The following LIMCH1 variants were observed in gnomAD, a reference collection of about 807,000 sequenced individuals.
The protein encoded by LIMCH1 is LIM and calponin homology domains 1, also known as LIM and calponin homology domains-containing protein 1.
LIMCH1 carries 113 observed loss-of-function variants against 176.5 expected under a neutral mutation model. The ratio of observed to expected loss-of-function variants is 0.64; its 90% CI spans 0.55 to 0.75. The LOEUF is 0.75. Among genes scored for constraint, LIMCH1 ranks in the 30% least tolerant of loss-of-function variants. The pLI, the probability that LIMCH1 is intolerant of heterozygous loss-of-function variation, is 0.00. For synonymous variants in LIMCH1, 619 were observed against 645.9 expected, an observed-to-expected ratio of 0.96 and a Z score of 0.63; for missense variants, 1,674 against 1,814.9, an observed-to-expected ratio of 0.92 and a Z score of 1.41.
intron 1 of LIMCH1, among the ~76,000 whole-genome samples, chr4:41,435,876 T>TA (rs1048834240): frequency 1.3e-5 from 2 of 152,194 alleles, no homozygotes; most frequent in Non-Finnish European, 2.9e-5. Flanking sequence ...TGAAGTCCTA[T>TA]ATTGTAGCAA....
At chr4:41,661,888 T>C (rs1384461429) in intron 19 of LIMCH1, 1 of 395,656 alleles carries the variant, frequency 2.5e-6, no homozygotes, top group Non-Finnish European at 4.8e-6. Flanking sequence ...GACGCTGAAA[T>C]GGTAAAGCTC....
At chr4:41,491,995 C>T (rs563049081) in intron 1 of LIMCH1, among the ~76,000 whole-genome samples, 43 of 152,186 alleles carry the variant, frequency 2.8e-4, no homozygotes, top group African/African-American at 6.5e-4. Context: ...ACTTCCTAGA[C>T]GGGGTGGCGG....
At chr4:41,420,667 G>A (rs1288781788) in intron 1 of LIMCH1, among the ~76,000 whole-genome samples, 5 of 152,190 alleles carry the variant, frequency 3.3e-5, no homozygotes, top group Admixed American at 2.0e-4. Flanking sequence ...TCTGAAGGCA[G>A]GGCCAACGTG....
At chr4:41,616,667 T>C (rs2092117525) in intron 5 of LIMCH1, among the ~76,000 whole-genome samples, 1 of 152,164 alleles carries the variant, frequency 6.6e-6, no homozygotes. Context: ...GTCAAAACTT[T>C]TGAGGTGTCA....
In LIMCH1 at chr4:41,676,185, G is replaced by A. The variant is rs535176215; in HGVS notation, c.3439-197G>A. 5.3e-5 allele frequency among the ~76,000 whole-genome samples: 8 copies of A among 152,272 alleles called. No individual in the cohort carries two copies. The East Asian group carries it at 5.8e-4, about 11-fold the overall frequency. On this transcript the variant is annotated intron_variant, in intron 22 of 31. Coordinates refer to ENST00000503057, the MANE Select transcript of LIMCH1 (RefSeq NM_001330672.2). ...AAAAGATTCACAGAATCATACCAGC[G>A]TCTTGGAAGTAAACCAAAGAGGGAC...
chr4:41,555,234 C>T (rs144006012), intron 1 of LIMCH1, among the ~76,000 whole-genome samples: 10 of 152,276 alleles, frequency 6.6e-5, no homozygotes, highest in African/African-American at 2.2e-4. Context: ...CAAGCGTGTC[C>T]TACTGTTTTC....
intron 1 of LIMCH1, among the ~76,000 whole-genome samples, chr4:41,555,428 C>A (rs2081103841): frequency 6.6e-6 from 1 of 152,158 alleles, no homozygotes; most frequent in East Asian, 1.9e-4. Context: ...ACTTGGTTAG[C>A]AGTGTACTGG....
rs1732107837 is a variant in LIMCH1 at position 41,699,089 on chromosome 4, T to C, written c.*1904T>C. 1 of 152,250 alleles carries C rather than the reference T, an allele frequency of 6.6e-6. No individual in the cohort carries two copies. Among genetic ancestry groups the C allele is most frequent in the South Asian group, 2.1e-4 (1 of 4,828 alleles). 9.4% of individuals were successfully genotyped at this position (152,250 alleles called of 1,614,324 possible). A position where few individuals can be genotyped will look rare whatever the true frequency, so the allele number is the denominator to read the frequency against. ...CACCTGCATGTTTTATTAAATATTT[T>C]GATAATGTGGATGTTTACACTTTGC... On this transcript the variant is annotated 3_prime_UTR_variant, in exon 32 of 32. Transcript: ENST00000503057.
intron 17 of LIMCH1, 97 bp downstream of exon 17, chr4:41,646,990 T>C: frequency 5.1e-6 from 6 of 1,179,160 alleles, no homozygotes; most frequent in Non-Finnish European, 7.2e-6. Context: ...CTTTTTACCA[T>C]ACAAAAGAAA....
chr4:41,524,614 G>A (rs576833667), intron 3 of LIMCH1: 5 of 687,254 alleles, frequency 7.3e-6, no homozygotes, highest in African/African-American at 1.8e-5. Context: ...TCCATTAAAC[G>A]AAGAGGTCAC....
intron 1 of LIMCH1, among the ~76,000 whole-genome samples, chr4:41,406,415 G>C (rs1178553860): frequency 1.3e-5 from 2 of 152,144 alleles, no homozygotes; most frequent in Non-Finnish European, 2.9e-5. Flanking sequence ...TGTGTACTTA[G>C]AGGGCTGACT....
intron 13 of LIMCH1, among the ~76,000 whole-genome samples, chr4:41,635,898 C>G (rs529519636): frequency 8.5e-5 from 13 of 152,128 alleles, no homozygotes; most frequent in Non-Finnish European, 1.0e-4. Context: ...TTTCTACCTA[C>G]CCCTACCCTC....
intron 16 of LIMCH1, 30 bp downstream of exon 16, chr4:41,646,310 T>C (rs748295758): frequency 1.3e-6 from 2 of 1,580,724 alleles, no homozygotes; most frequent in Non-Finnish European, 1.7e-6. Flanking sequence ...GTTTTTAATG[T>C]ACAATATTAT....
intron 1 of LIMCH1, among the ~76,000 whole-genome samples, chr4:41,395,229 ATTTTTTT>A (rs757933680): frequency 3.1e-5 from 4 of 130,908 alleles, no homozygotes; most frequent in African/African-American, 9.0e-5. Flanking sequence ...GTAGAAGTTA[ATTTTTTT>A]TTTTTTTTTT....
At chr4:41,434,519 T>C (rs984227312) in intron 1 of LIMCH1, among the ~76,000 whole-genome samples, 1 of 152,120 alleles carries the variant, frequency 6.6e-6, no homozygotes, top group African/African-American at 2.4e-5. Context: ...CAGTTGGTTT[T>C]TGGGGTATTT....
chr4:41,517,592 T>C (rs746246929), intron 2 of LIMCH1, among the ~76,000 whole-genome samples: 49 of 152,200 alleles, frequency 3.2e-4, no homozygotes, highest in Non-Finnish European at 5.7e-4. Context: ...TAGATATTGA[T>C]GGCAGCTTGC....
At chr4:41,401,258 T>A (rs868845844) in intron 1 of LIMCH1, among the ~76,000 whole-genome samples, 44 of 152,336 alleles carry the variant, frequency 2.9e-4, no homozygotes, top group Middle Eastern at 6.8e-3. Context: ...ATGGCTAGCC[T>A]GTTTTCCCAG....
In LIMCH1 at chr4:41,644,719, G is replaced by C; in HGVS notation, c.2253+93G>C. Reference sequence around the variant, plus strand: ...TAGACGTGGACTTGAAAGCCATGCGGGGAAAGGGAGCCCCTAGAGGGTTTC... The same window carrying C: ...TAGACGTGGACTTGAAAGCCATGCGCGGAAAGGGAGCCCCTAGAGGGTTTC... On this transcript the variant is annotated intron_variant, in intron 15 of 31. Coordinates refer to ENST00000503057, the MANE Select transcript of LIMCH1 (RefSeq NM_001330672.2). 4 of 1,463,030 alleles carry C rather than the reference G, an allele frequency of 2.7e-6. No individual in the cohort carries two copies. In the South Asian group the frequency reaches 5.5e-5, roughly 20 times the overall value. The allele number at this position is 1,463,030 out of a possible 1,614,324, so 90.6% of individuals were successfully genotyped here. A position where few individuals can be genotyped will look rare whatever the true frequency, so the allele number is the denominator to read the frequency against.
Position 41,698,597 on chromosome 4 carries a change from G to A in LIMCH1, c.*1412G>A, listed in dbSNP as rs903077652. 3.3e-5 allele frequency: 5 copies of A among 152,550 alleles called. No homozygotes were observed. Among genetic ancestry groups the A allele is most frequent in the African/African-American group, 1.2e-4 (5 of 41,414 alleles). 9.4% of individuals were successfully genotyped at this position (152,550 alleles called of 1,614,324 possible). ...TGACATTTTGTGAATGTAGACTATG[G>A]ATACACTCCTAATAGATTGATGTAG... On this transcript the variant is annotated 3_prime_UTR_variant, in exon 32 of 32. Transcript: ENST00000503057.
Sources: allele counts gnomAD v4.1 joint callset (sites outside exome capture counted in the v4.1 genomes callset), GRCh38; gene constraint gnomAD v4.1.1; transcripts MANE v1.5; gene names NCBI Gene and HGNC (gene_info 2026-07-23, HGNC 2026-07-21).